Variants in ASPH observed in about 807,000 individuals in gnomAD.
ASPH encodes aspartate beta-hydroxylase, also known as aspartyl/asparaginyl beta-hydroxylase.
A neutral mutation model predicts 118.4 loss-of-function variants in ASPH; 100 were observed. That is an observed-to-expected ratio of 0.84 (90% CI 0.72 to 1.00). The LOEUF is 1.00. Among genes scored for constraint, ASPH ranks in the 50% least tolerant of loss-of-function variants. The pLI is 0.00. For missense variants in ASPH, 920 were observed against 919.5 expected (o/e 1.00, Z -0.01); for synonymous variants, 315 against 325.6 (o/e 0.97, Z 0.35).
chr8:61,600,737 A>T (rs1843740977), intron 14 of ASPH, among the ~76,000 whole-genome samples: 1 of 151,532 alleles, frequency 6.6e-6, no homozygotes, highest in Non-Finnish European at 1.5e-5. Context: ...TAATAGATCT[A>T]AATCTAATCA....
In ASPH at chr8:61,655,852, C is replaced by CA. The variant is rs1169051726; in HGVS notation, c.323-2193dup. On this transcript the variant is annotated intron_variant, in intron 3 of 24. Transcript: ENST00000379454. ...GCTATTTCCAGATATGAAATCAGTA[C>CA]AAAAAAAAATTGTAAACTTCAAAGA... 1.3e-4 allele frequency among the ~76,000 whole-genome samples: 20 copies of CA among 151,364 alleles called. No homozygotes were observed. In the East Asian group the frequency reaches 2.1e-3, roughly 16 times the overall value.
chr8:61,651,399 A>G (rs1810907337), intron 4 of ASPH: 2 of 312,120 alleles, frequency 6.4e-6, no homozygotes, highest in South Asian at 1.1e-4. Context: ...TATTTAAAAA[A>G]GAGCCTTATT....
At chr8:61,666,877 C>T (rs879666175) in intron 3 of ASPH, among the ~76,000 whole-genome samples, 7 of 152,144 alleles carry the variant, frequency 4.6e-5, no homozygotes, top group Admixed American at 1.3e-4. Context: ...ATGTGCAATG[C>T]TATCATGTCT....
chr8:61,626,124 A>G (rs1588270090), intron 13 of ASPH: 1 of 1,252,372 alleles, frequency 8.0e-7, no homozygotes, highest in East Asian at 3.1e-5. Flanking sequence ...ATGCCAGTGG[A>G]CTATAATTCA....
intron 21 of ASPH, among the ~76,000 whole-genome samples, chr8:61,547,726 A>G (rs1455494453): frequency 6.6e-6 from 1 of 151,968 alleles, no homozygotes; most frequent in Non-Finnish European, 1.5e-5. Flanking sequence ...TTATTTTTAA[A>G]TAATTCATAA....
intron 2 of ASPH, among the ~76,000 whole-genome samples, chr8:61,683,164 G>C (rs1828941211): frequency 6.6e-6 from 1 of 152,042 alleles, no homozygotes; most frequent in Non-Finnish European, 1.5e-5. Flanking sequence ...GTAGATTAGT[G>C]TTTCCCAGGA....
intron 14 of ASPH, among the ~76,000 whole-genome samples, chr8:61,598,048 T>C (rs919861357): frequency 2.5e-4 from 38 of 152,054 alleles, no homozygotes; most frequent in Admixed American, 1.1e-3. Flanking sequence ...CAACAGACGA[T>C]AAAGGAGCAA....
intron 2 of ASPH, chr8:61,682,556 A>C: frequency 7.3e-7 from 1 of 1,377,130 alleles, no homozygotes. Flanking sequence ...TCCTCTTTTA[A>C]GATACATTCC....
chr8:61,617,508 T>C (rs1056485819), intron 14 of ASPH, among the ~76,000 whole-genome samples: 10 of 152,154 alleles, frequency 6.6e-5, no homozygotes, highest in African/African-American at 2.2e-4. Context: ...AGCGGAGAGC[T>C]TGTGAGAGTA....
intron 18 of ASPH, among the ~76,000 whole-genome samples, chr8:61,556,520 T>G (rs2131272440): frequency 6.6e-6 from 1 of 152,336 alleles, no homozygotes; most frequent in Non-Finnish European, 1.5e-5. Flanking sequence ...AACAGAAAAC[T>G]TCTTGAGTGC....
At chr8:61,667,381 ATTATT>A (rs1348364735) in intron 3 of ASPH, among the ~76,000 whole-genome samples, 2 of 152,014 alleles carry the variant, frequency 1.3e-5, no homozygotes, top group East Asian at 1.9e-4. Context: ...TATTATTATT[ATTATT>A]TTGAGAGTCT....
intron 3 of ASPH, chr8:61,665,056 A>T (rs937335283): frequency 6.2e-5 from 81 of 1,308,096 alleles, no homozygotes; most frequent in Non-Finnish European, 7.7e-5. Context: ...TGACATTTTT[A>T]AAATGTTTTT....
intron 12 of ASPH, among the ~76,000 whole-genome samples, chr8:61,634,979 A>C (rs1857113441): frequency 6.6e-6 from 1 of 152,186 alleles, no homozygotes; most frequent in African/African-American, 2.4e-5. Context: ...GATTTCTAAA[A>C]AGTAAACCGT....
Position 61,691,923 on chromosome 8 carries a change from C to CGA in ASPH, c.104-7736_104-7735insTC, listed in dbSNP as rs1234653484. On this transcript the variant is annotated intron_variant, in intron 1 of 24. Coordinates refer to ENST00000379454, the MANE Select transcript of ASPH (RefSeq NM_004318.4). ...TGCTGGAGCTGGTAGGGTTTCTTCT[C>CGA]CTCTCTTTACTGGCCTGTGCAAGGT... 2.6e-5 allele frequency among the ~76,000 whole-genome samples: 4 copies of CGA among 152,294 alleles called. No homozygotes were observed. The East Asian group carries it at 7.7e-4, about 29-fold the overall frequency.
intron 21 of ASPH, among the ~76,000 whole-genome samples, chr8:61,530,840 A>C (rs954038909): frequency 1.3e-5 from 2 of 152,210 alleles, no homozygotes; most frequent in African/African-American, 4.8e-5. Flanking sequence ...TTCTGTTGTT[A>C]ACCTGCTTAT....
chr8:61,509,524 G>A (rs188239882), intron 24 of ASPH, among the ~76,000 whole-genome samples: 89 of 152,268 alleles, frequency 5.8e-4, no homozygotes, highest in Non-Finnish European at 1.0e-3. Flanking sequence ...GGTTTTAGCC[G>A]GCTTCTTTAC....
chr8:61,506,375 T>C (rs116071916), intron 24 of ASPH, among the ~76,000 whole-genome samples: 1,933 of 152,258 alleles, frequency 0.013, 43 homozygotes, highest in African/African-American at 0.043. Context: ...TTTTGCAAGT[T>C]AGAAAGAGTT....
rs891700914 is a variant in ASPH at position 61,628,262 on chromosome 8, G to A, written c.934+5421C>T. 3.3e-5 allele frequency: 10 copies of A among 302,586 alleles called. No individual in the cohort carries two copies. In the Admixed American group the frequency reaches 4.5e-4, roughly 14 times the overall value. The allele number at this position is 302,586 out of a possible 1,614,324, so 18.7% of individuals were successfully genotyped here. A position where few individuals can be genotyped will look rare whatever the true frequency, so the allele number is the denominator to read the frequency against. ...GCAGCTTTGACCTCCTGGACTCAAG[G>A]AATTCTTCCACCTCAGCCTTCTGAG... On this transcript the variant is annotated intron_variant, in intron 13 of 24. Transcript: ENST00000379454.
rs58595833 is a variant in ASPH at position 61,540,858 on chromosome 8, G to C, written c.1764+7213C>G. On this transcript the variant is annotated intron_variant, in intron 21 of 24. Coordinates refer to ENST00000379454, the MANE Select transcript of ASPH (RefSeq NM_004318.4). ...CTGTAATCCTAGCACTTTAGGAGGC[G>C]GAGGTGGGTGGATCGCTTGAGCTCA... Among the ~76,000 whole-genome samples, 945 of 152,216 alleles carry C rather than the reference G, an allele frequency of 6.2e-3. 2 individuals are homozygous for C. The highest frequency in any genetic ancestry group is 0.01 in the Non-Finnish European group (692 of 68,012).
Sources: allele counts gnomAD v4.1 joint callset (sites outside exome capture counted in the v4.1 genomes callset), GRCh38; gene constraint gnomAD v4.1.1; transcripts MANE v1.5; gene names NCBI Gene and HGNC (gene_info 2026-07-23, HGNC 2026-07-21).